Variants in GNG7 observed in about 807,000 individuals in gnomAD.
The protein encoded by GNG7 is G protein subunit gamma 7.
In GNG7, 1 loss-of-function variant was observed where a neutral mutation model predicts 4.0. That is an observed-to-expected ratio of 0.25 (90% CI 0.09 to 1.18). The LOEUF (loss-of-function observed/expected upper bound fraction) is 1.18, where lower values mean the gene tolerates loss of function less well. Among genes scored for constraint, GNG7 ranks in the 50% most tolerant of loss-of-function variants. GNG7 has a pLI of 0.50. For synonymous variants in GNG7, 34 were observed against 36.9 expected, an observed-to-expected ratio of 0.92 and a Z score of 0.29; for missense variants, 86 against 91.9, an observed-to-expected ratio of 0.94 and a Z score of 0.26.
intron 1 of GNG7, among the ~76,000 whole-genome samples, chr19:2,680,061 C>A (rs1005959054): frequency 6.6e-6 from 1 of 152,242 alleles, no homozygotes; most frequent in Admixed American, 6.5e-5. Context: ...GCCTGTAACC[C>A]CAGCATCTTG....
At chr19:2,608,973 C>T (rs1981477574) in intron 2 of GNG7, among the ~76,000 whole-genome samples, 3 of 152,212 alleles carry the variant, frequency 2.0e-5, no homozygotes, top group Middle Eastern at 3.4e-3. Flanking sequence ...ACATTCACAA[C>T]GTTGTACAAA....
At chr19:2,687,933 C>CTTGTT (rs769707604) in intron 1 of GNG7, among the ~76,000 whole-genome samples, 2 of 146,462 alleles carry the variant, frequency 1.4e-5, no homozygotes, top group African/African-American at 2.5e-5. Flanking sequence ...GTACTCCAAC[C>CTTGTT]TGGGCAACAA....
chr19:2,663,482 T>C (rs1231411944), intron 1 of GNG7, among the ~76,000 whole-genome samples: 1 of 152,132 alleles, frequency 6.6e-6, no homozygotes, highest in Non-Finnish European at 1.5e-5. Context: ...CCTAGAACCG[T>C]TAAGAAACAA....
chr19:2,637,628 G>A (rs1440372364), intron 2 of GNG7, among the ~76,000 whole-genome samples: 1 of 152,138 alleles, frequency 6.6e-6, no homozygotes, highest in East Asian at 1.9e-4. Flanking sequence ...AAGGTCAGCC[G>A]GCACCACACC....
intron 1 of GNG7, among the ~76,000 whole-genome samples, chr19:2,696,347 A>AAAGG (rs758616376): frequency 1.7e-5 from 2 of 119,314 alleles, no homozygotes; most frequent in Admixed American, 1.7e-4. Context: ...AGAAAGAAAG[A>AAAGG]AAAGAAAGAA....
chr19:2,580,124 A>G (rs1980459669), intron 2 of GNG7, among the ~76,000 whole-genome samples: 1 of 152,118 alleles, frequency 6.6e-6, no homozygotes, highest in African/African-American at 2.4e-5. Context: ...AGGTGTGCCC[A>G]GGGGTCAGGG....
At chr19:2,635,888 G>A (rs946169503) in intron 2 of GNG7, among the ~76,000 whole-genome samples, 2 of 152,082 alleles carry the variant, frequency 1.3e-5, no homozygotes, top group Non-Finnish European at 2.9e-5. Flanking sequence ...TGGCCAACTT[G>A]GGGTGATTCT....
chr19:2,699,101 T>C (rs1018790191), intron 1 of GNG7, among the ~76,000 whole-genome samples: 1 of 151,178 alleles, frequency 6.6e-6, no homozygotes, highest in Admixed American at 6.6e-5. Flanking sequence ...AAATCAGTAC[T>C]AAGTGTTCAA....
chr19:2,589,622 T>TG (rs1980780324), intron 2 of GNG7, among the ~76,000 whole-genome samples: 1 of 152,018 alleles, frequency 6.6e-6, no homozygotes, highest in Non-Finnish European at 1.5e-5. Flanking sequence ...CCTCCTCCCA[T>TG]GTCAGATGAT....
chr19:2,595,762 A>T (rs924908254), intron 2 of GNG7, among the ~76,000 whole-genome samples: 1 of 151,936 alleles, frequency 6.6e-6, no homozygotes, highest in Non-Finnish European at 1.5e-5. Flanking sequence ...AATTAAATTT[A>T]AAAAGGTAAA....
At chr19:2,587,536 G>A (rs988179245) in intron 2 of GNG7, among the ~76,000 whole-genome samples, 7 of 152,162 alleles carry the variant, frequency 4.6e-5, no homozygotes, top group South Asian at 4.1e-4. Flanking sequence ...GACAACAGCC[G>A]GCGTCAGCTC....
In GNG7 at chr19:2,545,650, A is replaced by T. The variant is rs1418000719; in HGVS notation, c.-38+9499T>A. 1.5e-3 allele frequency among the ~76,000 whole-genome samples: 51 copies of T among 34,904 alleles called. 1 individual carries two copies. Among genetic ancestry groups the T allele is most frequent in the African/African-American group, 9.9e-3 (50 of 5,040 alleles). 22.9% of individuals were successfully genotyped at this position (34,904 alleles called of 152,430 possible). A position where few individuals can be genotyped will look rare whatever the true frequency, so the allele number is the denominator to read the frequency against. On this transcript the variant is annotated intron_variant, in intron 3 of 4. Coordinates refer to ENST00000382159, the MANE Select transcript of GNG7 (RefSeq NM_052847.3). ...TAAGCAACAAGAGCGAAACTGTCTT[A>T]AAAAAAAAAAAAAAAAAAAAAGGCC...
intron 2 of GNG7, among the ~76,000 whole-genome samples, chr19:2,598,605 T>C (rs916076841): frequency 7.3e-5 from 11 of 151,062 alleles, no homozygotes; most frequent in East Asian, 1.9e-4. Context: ...TGCAGTGAGC[T>C]GAGATCGCGC....
At chr19:2,671,746 G>A (rs976946139) in intron 1 of GNG7, among the ~76,000 whole-genome samples, 3 of 152,058 alleles carry the variant, frequency 2.0e-5, no homozygotes, top group Non-Finnish European at 4.4e-5. Context: ...ATGTTCTATT[G>A]TAAAATCTCC....
chr19:2,698,297 C>T (rs929531055), intron 1 of GNG7, among the ~76,000 whole-genome samples: 6 of 150,304 alleles, frequency 4.0e-5, no homozygotes, highest in African/African-American at 1.5e-4. Context: ...GGCGCGGTGG[C>T]TCACGCCTGT....
chr19:2,575,375 C>T (rs888270401), intron 2 of GNG7, among the ~76,000 whole-genome samples: 5 of 152,178 alleles, frequency 3.3e-5, no homozygotes, highest in African/African-American at 9.7e-5. Context: ...GTGCCCTGCT[C>T]GAGTCTTTTT....
chr19:2,594,855 C>A (rs573081172), intron 2 of GNG7, among the ~76,000 whole-genome samples: 1 of 152,012 alleles, frequency 6.6e-6, no homozygotes, highest in Admixed American at 6.6e-5. Flanking sequence ...TGGTGGCTCA[C>A]GTCTGTAATC....
At chr19:2,625,780 G>T (rs1568266605) in intron 2 of GNG7, among the ~76,000 whole-genome samples, 2 of 151,892 alleles carry the variant, frequency 1.3e-5, no homozygotes, top group African/African-American at 4.8e-5. Flanking sequence ...TGGTTTTGGG[G>T]TTTTTTGTTT....
At chr19:2,547,064 C>G (rs1433116016) in intron 3 of GNG7, among the ~76,000 whole-genome samples, 1 of 150,232 alleles carries the variant, frequency 6.7e-6, no homozygotes, top group African/African-American at 2.5e-5. Flanking sequence ...GTGGGTCTTT[C>G]TCCACGCATG....
Sources: allele counts gnomAD v4.1 joint callset (sites outside exome capture counted in the v4.1 genomes callset), GRCh38; gene constraint gnomAD v4.1.1; transcripts MANE v1.5; gene names NCBI Gene and HGNC (gene_info 2026-07-23, HGNC 2026-07-21).